MYOZ2: variants seen among roughly 807,000 people sequenced by gnomAD.
The protein encoded by MYOZ2 is myozenin 2, also known as myozenin-2.
A neutral mutation model predicts 25.4 loss-of-function variants in MYOZ2; 19 were observed. The ratio of observed to expected loss-of-function variants is 0.75; its 90% confidence interval spans 0.52 to 1.10. The LOEUF (loss-of-function observed/expected upper bound fraction) is 1.10, where lower values mean the gene tolerates loss of function less well. MYOZ2 is among the 50% of genes least tolerant of loss of function. MYOZ2 has a pLI of 0.00. For synonymous variants in MYOZ2, 92 were observed against 106.9 expected (o/e 0.86, Z 0.86); for missense variants, 270 against 317.9 (o/e 0.85, Z 1.15).
intron 2 of MYOZ2, among the ~76,000 whole-genome samples, chr4:119,144,857 A>T (rs997060816): frequency 1.3e-5 from 2 of 152,210 alleles, no homozygotes; most frequent in African/African-American, 2.4e-5. Flanking sequence ...TTTCAAGGTT[A>T]CATGTTTTGA....
At chr4:119,176,786 A>G (rs1041672654) in intron 5 of MYOZ2, among the ~76,000 whole-genome samples, 4 of 152,240 alleles carry the variant, frequency 2.6e-5, no homozygotes, top group Non-Finnish European at 4.4e-5. Flanking sequence ...AATGATGGAA[A>G]CTAATTTATT....
intron 2 of MYOZ2, 100 bp downstream of exon 2, chr4:119,136,701 T>G: frequency 7.8e-7 from 1 of 1,288,748 alleles, no homozygotes; most frequent in Non-Finnish European, 1.1e-6. Context: ...CTTTAGATTC[T>G]TGCTGTTCTG....
chr4:119,162,505 G>C (rs1255457571), intron 4 of MYOZ2, among the ~76,000 whole-genome samples: 2 of 152,178 alleles, frequency 1.3e-5, no homozygotes, highest in Admixed American at 6.5e-5. Context: ...ACCTGACCCA[G>C]GGCAGGAGTA....
In MYOZ2 at chr4:119,164,522, T is replaced by C. The variant is rs1316734780; in HGVS notation, c.560+128T>C. 7.0e-6 allele frequency: 6 copies of C among 852,694 alleles called. No individual in the cohort carries two copies. In the East Asian group the frequency reaches 1.3e-4, roughly 19 times the overall value. The allele number at this position is 852,694 out of a possible 1,614,324, so 52.8% of individuals were successfully genotyped here. A position where few individuals can be genotyped will look rare whatever the true frequency, so the allele number is the denominator to read the frequency against. ...TGAGAAAAGAATCTAAATAGCAATA[T>C]AGGATATCTTCTAAGCCTAGGCAAA... On this transcript the variant is annotated intron_variant, in intron 5 of 5. Coordinates refer to ENST00000307128, the MANE Select transcript of MYOZ2 (RefSeq NM_016599.5).
chr4:119,152,340 A>C (rs1741473783), intron 3 of MYOZ2, among the ~76,000 whole-genome samples: 1 of 152,114 alleles, frequency 6.6e-6, no homozygotes, highest in Admixed American at 6.6e-5. Context: ...ATATTCTTTC[A>C]ATAATGACAA....
At chr4:119,170,888 A>T (rs867453793) in intron 5 of MYOZ2, among the ~76,000 whole-genome samples, 28 of 152,320 alleles carry the variant, frequency 1.8e-4, no homozygotes, top group Middle Eastern at 3.4e-3. Context: ...ATGATTGTAA[A>T]ATAAAGACAA....
intron 5 of MYOZ2, among the ~76,000 whole-genome samples, chr4:119,174,762 C>A (rs982397984): frequency 6.6e-6 from 1 of 152,146 alleles, no homozygotes; most frequent in African/African-American, 2.4e-5. Flanking sequence ...TCCCCTTCCA[C>A]ACAGTGGAAG....
At chr4:119,152,358 G>A (rs1019450274) in intron 3 of MYOZ2, among the ~76,000 whole-genome samples, 5 of 152,016 alleles carry the variant, frequency 3.3e-5, no homozygotes, top group African/African-American at 1.2e-4. Flanking sequence ...CAATAGAGAA[G>A]GCTCTCTATG....
At chr4:119,175,602 A>G (rs1162444741) in intron 5 of MYOZ2, among the ~76,000 whole-genome samples, 1 of 152,012 alleles carries the variant, frequency 6.6e-6, no homozygotes, top group African/African-American at 2.4e-5. Flanking sequence ...AAATACAAAA[A>G]TTAGCCAGGT....
chr4:119,161,238 T>C (rs552945880), intron 4 of MYOZ2, among the ~76,000 whole-genome samples: 147 of 152,154 alleles, frequency 9.7e-4, no homozygotes, highest in Non-Finnish European at 1.9e-3. Context: ...GTCTATGCAA[T>C]ATAGAGTAAG....
chr4:119,174,494 G>A (rs909995870), intron 5 of MYOZ2, among the ~76,000 whole-genome samples: 4 of 152,068 alleles, frequency 2.6e-5, no homozygotes, highest in African/African-American at 9.7e-5. Flanking sequence ...TTAGCTTAGG[G>A]TTTGTGAGTG....
At chr4:119,172,088 G>A (rs1325105302) in intron 5 of MYOZ2, among the ~76,000 whole-genome samples, 1 of 152,142 alleles carries the variant, frequency 6.6e-6, no homozygotes, top group Non-Finnish European at 1.5e-5. Flanking sequence ...CCAGAGTTTA[G>A]TTCAACTTTG....
intron 2 of MYOZ2, among the ~76,000 whole-genome samples, chr4:119,146,296 T>C (rs944254482): frequency 2.1e-4 from 32 of 152,066 alleles, no homozygotes; most frequent in African/African-American, 7.2e-4. Context: ...CTTTTTTTTT[T>C]AGATTTTTTG....
intron 5 of MYOZ2, among the ~76,000 whole-genome samples, chr4:119,181,143 A>G (rs1245815679): frequency 1.3e-5 from 2 of 152,172 alleles, no homozygotes; most frequent in Admixed American, 6.5e-5. Context: ...CATTCCTTTT[A>G]TACATTCCTT....
At chr4:119,136,445 A>G in intron 1 of MYOZ2, 67 bp from the exon 2 acceptor site, 1 of 1,341,988 alleles carries the variant, frequency 7.5e-7, no homozygotes, top group Non-Finnish European at 1.1e-6. Flanking sequence ...CTTTCAAAAC[A>G]GTGATTATAA....
chr4:119,137,506 C>T (rs1470321471), intron 2 of MYOZ2, among the ~76,000 whole-genome samples: 2 of 152,046 alleles, frequency 1.3e-5, no homozygotes, highest in East Asian at 1.9e-4. Context: ...AATATTGAGA[C>T]CTAGAAGCTT....
intron 5 of MYOZ2, among the ~76,000 whole-genome samples, chr4:119,164,930 T>C (rs867587740): frequency 2.0e-5 from 3 of 151,982 alleles, no homozygotes; most frequent in Admixed American, 6.6e-5. Flanking sequence ...ATATCTGTAG[T>C]ATAGTTTATA....
chr4:119,160,810 T>C (rs1010457945), intron 4 of MYOZ2, among the ~76,000 whole-genome samples: 2 of 152,088 alleles, frequency 1.3e-5, no homozygotes, highest in Non-Finnish European at 2.9e-5. Flanking sequence ...TTGGGGTACA[T>C]AGTGATGTTT....
chr4:119,181,995 CA>C (rs1474818696), intron 5 of MYOZ2, among the ~76,000 whole-genome samples: 1 of 152,000 alleles, frequency 6.6e-6, no homozygotes, highest in Admixed American at 6.5e-5. Flanking sequence ...TTCAAATCAA[CA>C]TTATAAAATT....
Sources: gnomAD v4.1 joint callset for allele counts (sites outside exome capture counted in the v4.1 genomes callset) on GRCh38, gnomAD v4.1.1 for gene constraint, MANE v1.5 for transcripts, NCBI Gene and HGNC (gene_info 2026-07-23, HGNC 2026-07-21) for gene names.